The following QTMAN variants were observed in gnomAD, a reference collection of about 807,000 sequenced individuals.
The protein encoded by QTMAN is queuosine-tRNA mannosyltransferase.
the QTMAN span, among the ~76,000 whole-genome samples, chr2:143,962,590 T>C: frequency 1.4e-4 from 21 of 152,108 alleles, no homozygotes; most frequent in African/African-American, 5.1e-4. Flanking sequence ...TGTCAAGGTA[T>C]CCAGAGTCTG....
At chr2:144,177,960 A>G in the QTMAN span, among the ~76,000 whole-genome samples, 1 of 152,184 alleles carries the variant, frequency 6.6e-6, no homozygotes, top group African/African-American at 2.4e-5. Flanking sequence ...CATCTAGTTC[A>G]GACTAGCCCC....
chr2:144,025,482 T>C, the QTMAN span, among the ~76,000 whole-genome samples: 63 of 152,310 alleles, frequency 4.1e-4, no homozygotes, highest in East Asian at 0.011. Flanking sequence ...AGGAAGAAGA[T>C]GCCTGATGTG....
At chr2:144,074,512 A>G in the QTMAN span, among the ~76,000 whole-genome samples, 1 of 152,204 alleles carries the variant, frequency 6.6e-6, no homozygotes, top group East Asian at 1.9e-4. Context: ...TTAAAGATAA[A>G]CAATAACTTT....
the QTMAN span, among the ~76,000 whole-genome samples, chr2:143,963,115 TTAAC>T: frequency 1.3e-5 from 2 of 152,294 alleles, no homozygotes; most frequent in African/African-American, 4.8e-5. Flanking sequence ...GGCAAGTTAT[TTAAC>T]TAAAGCCTTA....
At chr2:144,103,997 C>G in the QTMAN span, among the ~76,000 whole-genome samples, 1 of 151,984 alleles carries the variant, frequency 6.6e-6, no homozygotes, top group East Asian at 1.9e-4. Context: ...GGCTGAGGCA[C>G]GAGAAATGCT....
chr2:144,009,655 TAAA>T, the QTMAN span, among the ~76,000 whole-genome samples: 1 of 152,126 alleles, frequency 6.6e-6, no homozygotes, highest in African/African-American at 2.4e-5. Flanking sequence ...ACTAACCCCT[TAAA>T]TATGCCCTAA....
At chr2:144,011,148 T>C in the QTMAN span, among the ~76,000 whole-genome samples, 1 of 152,190 alleles carries the variant, frequency 6.6e-6, no homozygotes, top group South Asian at 2.1e-4. Flanking sequence ...TTTAGGCAAT[T>C]AGCCAAATCT....
the QTMAN span, among the ~76,000 whole-genome samples, chr2:144,193,489 C>T: frequency 6.8e-6 from 1 of 147,934 alleles, no homozygotes; most frequent in African/African-American, 2.5e-5. Context: ...GTTATATATA[C>T]ACATAATATA....
At chr2:144,319,765 G>T in the QTMAN span, 2 of 151,986 alleles carry the variant, frequency 1.3e-5, no homozygotes, top group African/African-American at 4.8e-5. Context: ...CATAATAGAT[G>T]GCAATCCTTA....
chr2:144,085,903 A>C, the QTMAN span, among the ~76,000 whole-genome samples: 2 of 152,232 alleles, frequency 1.3e-5, no homozygotes, highest in African/African-American at 2.4e-5. Context: ...AGAAGTCTCC[A>C]TTTCAGTACC....
chr2:144,140,038 T>C, the QTMAN span, among the ~76,000 whole-genome samples: 1 of 152,194 alleles, frequency 6.6e-6, no homozygotes, highest in East Asian at 1.9e-4. Flanking sequence ...AATACAGTTT[T>C]GAAACTGCAG....
chr2:144,173,204 G>A, the QTMAN span, among the ~76,000 whole-genome samples: 4 of 151,844 alleles, frequency 2.6e-5, no homozygotes, highest in African/African-American at 7.3e-5. Flanking sequence ...CTCATCTCTG[G>A]TGTAAAAAAG....
At chr2:144,308,077 GAACA>G in the QTMAN span, among the ~76,000 whole-genome samples, 3 of 150,244 alleles carry the variant, frequency 2.0e-5, no homozygotes, top group African/African-American at 4.9e-5. Context: ...ACTTACTACT[GAACA>G]AACAGTGTTA....
the QTMAN span, among the ~76,000 whole-genome samples, chr2:144,041,732 G>C: frequency 6.6e-6 from 1 of 152,186 alleles, no homozygotes; most frequent in African/African-American, 2.4e-5. Flanking sequence ...TTGAGGGCCA[G>C]TTCAGAGCAT....
chr2:144,329,284 A>T, the QTMAN span, among the ~76,000 whole-genome samples: 2 of 148,572 alleles, frequency 1.3e-5, no homozygotes, highest in African/African-American at 2.5e-5. Context: ...TTCTGATATT[A>T]AAAAAAAAAG....
the QTMAN span, among the ~76,000 whole-genome samples, chr2:143,979,354 A>C: frequency 1.5e-4 from 23 of 152,240 alleles, no homozygotes; most frequent in African/African-American, 5.5e-4. Flanking sequence ...ATGTATTATC[A>C]GAGTACCAGA....
chr2:144,050,781 G>GCACACACACACACA, the QTMAN span, among the ~76,000 whole-genome samples: 1 of 148,918 alleles, frequency 6.7e-6, no homozygotes, highest in African/African-American at 2.5e-5. Context: ...CTTTCAGTCA[G>GCACACACACACACA]CACACACACA....
chr2:144,149,791 C>T, the QTMAN span, among the ~76,000 whole-genome samples: 101 of 152,044 alleles, frequency 6.6e-4, no homozygotes, highest in African/African-American at 2.1e-3. Context: ...CAATGAAATT[C>T]GAGATTAAAG....
At chr2:144,192,702 G>GT in the QTMAN span, among the ~76,000 whole-genome samples, 129 of 152,284 alleles carry the variant, frequency 8.5e-4, 1 homozygote, top group African/African-American at 3.0e-3. Context: ...CAGCATATTT[G>GT]TAAGTTTCAA....
Sources: gnomAD v4.1 joint callset for allele counts (sites outside exome capture counted in the v4.1 genomes callset) on GRCh38, gnomAD v4.1.1 for gene constraint, MANE v1.5 for transcripts, NCBI Gene and HGNC (gene_info 2026-07-23, HGNC 2026-07-21) for gene names.